ARB2A: variants seen among roughly 807,000 people sequenced by gnomAD.
The protein encoded by ARB2A is cotranscriptional regulator ARB2A.
At chr5:93,697,319 C>A in the ARB2A span, among the ~76,000 whole-genome samples, 1 of 152,008 alleles carries the variant, frequency 6.6e-6, no homozygotes, top group Non-Finnish European at 1.5e-5. Flanking sequence ...GAATTACATA[C>A]AATATCTGGC....
the ARB2A span, among the ~76,000 whole-genome samples, chr5:93,773,498 C>T: frequency 1.3e-5 from 2 of 152,202 alleles, no homozygotes; most frequent in African/African-American, 2.4e-5. Flanking sequence ...ACGCTAATGG[C>T]CCAAACTCTT....
At chr5:93,650,396 A>G in the ARB2A span, among the ~76,000 whole-genome samples, 2 of 152,182 alleles carry the variant, frequency 1.3e-5, no homozygotes, top group Non-Finnish European at 2.9e-5. Context: ...GGACTTAATA[A>G]CAGACTGGAA....
At chr5:94,108,185 G>C in the ARB2A span, among the ~76,000 whole-genome samples, 1 of 151,656 alleles carries the variant, frequency 6.6e-6, no homozygotes, top group Non-Finnish European at 1.5e-5. Flanking sequence ...GGCTCTTCTG[G>C]TCCCCGCTCT....
At chr5:93,931,444 A>G in the ARB2A span, among the ~76,000 whole-genome samples, 1 of 152,192 alleles carries the variant, frequency 6.6e-6, no homozygotes, top group African/African-American at 2.4e-5. Flanking sequence ...AGCCTGGGCA[A>G]CAAGAGCAAA....
At chr5:93,757,464 A>C in the ARB2A span, among the ~76,000 whole-genome samples, 1 of 152,212 alleles carries the variant, frequency 6.6e-6, no homozygotes, top group East Asian at 1.9e-4. Flanking sequence ...AAAGAATCTT[A>C]AGAGCTGTAA....
At chr5:93,973,420 T>C in the ARB2A span, among the ~76,000 whole-genome samples, 12 of 152,078 alleles carry the variant, frequency 7.9e-5, no homozygotes, top group South Asian at 2.1e-4. Flanking sequence ...TATGGGATTA[T>C]GTAAAGTGAC....
chr5:93,817,415 A>G, the ARB2A span, among the ~76,000 whole-genome samples: 1 of 152,186 alleles, frequency 6.6e-6, no homozygotes, highest in African/African-American at 2.4e-5. Flanking sequence ...AAATTAACCT[A>G]TTTAATCAAT....
chr5:93,827,811 A>G, the ARB2A span, among the ~76,000 whole-genome samples: 4 of 151,880 alleles, frequency 2.6e-5, no homozygotes, highest in Non-Finnish European at 5.9e-5. Context: ...AGCTTTCTAC[A>G]TATGGCTAGC....
the ARB2A span, among the ~76,000 whole-genome samples, chr5:93,950,954 A>T: frequency 0.017 from 2,569 of 147,790 alleles, 45 homozygotes; most frequent in African/African-American, 0.037. Flanking sequence ...AAAAAAAAAA[A>T]AAAATAAAAT....
the ARB2A span, among the ~76,000 whole-genome samples, chr5:93,794,856 G>A: frequency 6.6e-6 from 1 of 152,258 alleles, no homozygotes; most frequent in Admixed American, 6.5e-5. Context: ...CCTTGGTTGT[G>A]TTTTGTGTGC....
chr5:93,944,337 T>C, the ARB2A span, among the ~76,000 whole-genome samples: 1 of 152,184 alleles, frequency 6.6e-6, no homozygotes, highest in African/African-American at 2.4e-5. Context: ...GGCTCACACC[T>C]GTAATTCCAG....
At chr5:93,979,741 A>G in the ARB2A span, among the ~76,000 whole-genome samples, 9 of 151,690 alleles carry the variant, frequency 5.9e-5, no homozygotes, top group Admixed American at 1.3e-4. Context: ...CGTACCTTTT[A>G]TTTACCTTGC....
the ARB2A span, among the ~76,000 whole-genome samples, chr5:93,885,438 G>A: frequency 1.3e-5 from 2 of 151,312 alleles, no homozygotes; most frequent in South Asian, 2.1e-4. Context: ...AATATACATC[G>A]AAACCCTTTC....
the ARB2A span, among the ~76,000 whole-genome samples, chr5:93,945,995 A>G: frequency 6.6e-6 from 1 of 152,210 alleles, no homozygotes; most frequent in Non-Finnish European, 1.5e-5. Flanking sequence ...CAAATCCTTC[A>G]AATCTCAATA....
the ARB2A span, among the ~76,000 whole-genome samples, chr5:93,726,929 T>G: frequency 6.6e-6 from 1 of 152,044 alleles, no homozygotes; most frequent in Non-Finnish European, 1.5e-5. Flanking sequence ...AGATTATCCA[T>G]GTAAATGCTG....
chr5:93,947,349 C>T, the ARB2A span, among the ~76,000 whole-genome samples: 4 of 152,196 alleles, frequency 2.6e-5, no homozygotes, highest in Non-Finnish European at 5.9e-5. Flanking sequence ...GGGTCTGGGT[C>T]TCCTATTTCC....
the ARB2A span, among the ~76,000 whole-genome samples, chr5:93,846,195 G>A: frequency 8.5e-5 from 13 of 152,136 alleles, no homozygotes; most frequent in South Asian, 2.1e-4. Context: ...GAAACAAAGA[G>A]AAGAGTTGCT....
At chr5:93,731,150 G>A in the ARB2A span, among the ~76,000 whole-genome samples, 4 of 152,066 alleles carry the variant, frequency 2.6e-5, no homozygotes, top group Non-Finnish European at 5.9e-5. Context: ...GTTATTGGGT[G>A]AATTGTGTCC....
the ARB2A span, among the ~76,000 whole-genome samples, chr5:93,975,940 T>C: frequency 6.6e-6 from 1 of 151,716 alleles, no homozygotes; most frequent in Non-Finnish European, 1.5e-5. Context: ...CCCAATCTGG[T>C]AAAGATACAA....
Sources: allele counts gnomAD v4.1 joint callset (sites outside exome capture counted in the v4.1 genomes callset), GRCh38; gene constraint gnomAD v4.1.1; transcripts MANE v1.5; gene names NCBI Gene and HGNC (gene_info 2026-07-23, HGNC 2026-07-21).